KITLG: variants seen among roughly 807,000 people sequenced by gnomAD.
KITLG encodes KIT ligand, also known as c-Kit ligand.
KITLG carries 13 observed loss-of-function variants against 34.1 expected under a neutral mutation model. The ratio of observed to expected loss-of-function variants is 0.38; its 90% CI spans 0.25 to 0.61. The LOEUF (loss-of-function observed/expected upper bound fraction) is 0.61, where lower values mean the gene tolerates loss of function less well. Ranked by LOEUF, KITLG falls within the 20% of genes least tolerant of loss-of-function variation. The pLI is 0.60. For missense variants in KITLG, 292 were observed against 318.9 expected, an observed-to-expected ratio of 0.92 and a Z score of 0.64; for synonymous variants, 110 against 104.0, an observed-to-expected ratio of 1.06 and a Z score of -0.35.
At chr12:88,509,882 A>G (rs1869209502) in intron 6 of KITLG, among the ~76,000 whole-genome samples, 1 of 152,182 alleles carries the variant, frequency 6.6e-6, no homozygotes, top group Admixed American at 6.6e-5. Flanking sequence ...GTAGGAATCA[A>G]TGAGATTTGA....
chr12:88,533,304 A>G (rs1870173208), intron 2 of KITLG, among the ~76,000 whole-genome samples: 2 of 152,196 alleles, frequency 1.3e-5, no homozygotes, highest in South Asian at 4.1e-4. Flanking sequence ...TAAACTCTGT[A>G]TGTTGGTTCC....
Position 88,508,684 on chromosome 12 carries a change from C to T in KITLG, c.605-1547G>A, listed in dbSNP as rs538706782. 7.2e-5 allele frequency among the ~76,000 whole-genome samples: 11 copies of T among 152,036 alleles called. No homozygotes were observed. In the East Asian group the frequency reaches 1.2e-3, roughly 16 times the overall value. On this transcript the variant is annotated intron_variant, in intron 6 of 9. Coordinates refer to ENST00000644744, the MANE Select transcript of KITLG (RefSeq NM_000899.5). ...CTTCCATTCACATAACCATGAATAT[C>T]CTCCTTAGGATTCCTCCTCCTGGCC... is the stretch of plus-strand genomic sequence containing the variant.
chr12:88,507,858 G>C (rs1354842237), intron 6 of KITLG, among the ~76,000 whole-genome samples: 1 of 152,086 alleles, frequency 6.6e-6, no homozygotes, highest in African/African-American at 2.4e-5. Flanking sequence ...CACCTTTCTT[G>C]ATCCTGCCTG....
chr12:88,536,717 A>G (rs1160031803), intron 2 of KITLG, among the ~76,000 whole-genome samples: 1 of 152,184 alleles, frequency 6.6e-6, no homozygotes, highest in East Asian at 1.9e-4. Flanking sequence ...AATCATTCTC[A>G]GTAAACTAAC....
chr12:88,518,987 C>G, intron 3 of KITLG, 120 bp from the exon 4 acceptor site: 1 of 872,026 alleles, frequency 1.1e-6, no homozygotes, highest in Non-Finnish European at 1.8e-6. Flanking sequence ...CTCAGCCTCT[C>G]GAGTAGCTCA....
chr12:88,555,610 T>C (rs980387484), intron 1 of KITLG, among the ~76,000 whole-genome samples: 1 of 152,166 alleles, frequency 6.6e-6, no homozygotes, highest in African/African-American at 2.4e-5. Flanking sequence ...AAATTGAAAT[T>C]ACATGTCAAG....
At chr12:88,567,875 A>G (rs1420422448) in intron 1 of KITLG, among the ~76,000 whole-genome samples, 1 of 152,210 alleles carries the variant, frequency 6.6e-6, no homozygotes, top group Non-Finnish European at 1.5e-5. Context: ...CAAGTGACTC[A>G]AAGTCATACA....
intron 2 of KITLG, among the ~76,000 whole-genome samples, chr12:88,543,971 C>T (rs533515541): frequency 6.6e-6 from 1 of 152,156 alleles, no homozygotes; most frequent in East Asian, 1.9e-4. Flanking sequence ...TCAATAGCTT[C>T]TAGAATCTGA....
chr12:88,492,952 T>A lies in KITLG; in HGVS notation c.*4267A>T, dbSNP rs1237108846. On this transcript the variant is annotated 3_prime_UTR_variant, in exon 10 of 10. Transcript: ENST00000644744. ...ACACATCACATTTTACAACCTTTTT[T>A]ATTTAATTAAATTTCAGTCATAATA... The A allele has an allele frequency of 1.3e-5, 2 of 152,410 alleles. No homozygotes were observed. Among genetic ancestry groups the A allele is most frequent in the Non-Finnish European group, 2.9e-5 (2 of 67,894 alleles). The allele number at this position is 152,410 out of a possible 1,614,324, so 9.4% of individuals were successfully genotyped here. A position where few individuals can be genotyped will look rare whatever the true frequency, so the allele number is the denominator to read the frequency against.
chr12:88,529,886 C>G (rs961252490), intron 3 of KITLG, among the ~76,000 whole-genome samples: 2 of 152,182 alleles, frequency 1.3e-5, no homozygotes. Flanking sequence ...CCAAGAAGAA[C>G]AGTGTTTCTC....
At chr12:88,560,769 A>G (rs974143707) in intron 1 of KITLG, among the ~76,000 whole-genome samples, 1 of 152,068 alleles carries the variant, frequency 6.6e-6, no homozygotes, top group Non-Finnish European at 1.5e-5. Context: ...GGAGTTCGAG[A>G]CCAGCCTGGC....
intron 4 of KITLG, among the ~76,000 whole-genome samples, chr12:88,517,534 T>C (rs1214558309): frequency 6.6e-6 from 1 of 152,096 alleles, no homozygotes; most frequent in Non-Finnish European, 1.5e-5. Flanking sequence ...CTTCCCAACA[T>C]CACCATTGAC....
At chr12:88,559,369 C>A (rs1011447076) in intron 1 of KITLG, among the ~76,000 whole-genome samples, 1 of 152,152 alleles carries the variant, frequency 6.6e-6, no homozygotes, top group Non-Finnish European at 1.5e-5. Flanking sequence ...GCAGCAAGAC[C>A]CTCCAGTCAG....
chr12:88,534,750 T>A (rs1488436397), intron 2 of KITLG: 2 of 492,122 alleles, frequency 4.1e-6, no homozygotes, highest in African/African-American at 2.0e-5. Flanking sequence ...ACTCCCTTAT[T>A]CTTTACACTT....
chr12:88,510,640 T>G (rs1039689756), intron 6 of KITLG, among the ~76,000 whole-genome samples: 1 of 152,222 alleles, frequency 6.6e-6, no homozygotes, highest in Admixed American at 6.5e-5. Context: ...TTCTCTTTGC[T>G]TATCATAAAG....
intron 6 of KITLG, 142 bp downstream of exon 6, chr12:88,515,392 C>T (rs954358861): frequency 1.7e-6 from 1 of 592,068 alleles, no homozygotes; most frequent in African/African-American, 1.9e-5. Context: ...AAACTTAAGT[C>T]TCAAGAAGAC....
At position 88,495,969 on chromosome 12, in the gene KITLG, G is replaced by A. The variant is rs1868625730; in HGVS notation, c.*1250C>T. Reference sequence around the variant, plus strand: ...TTTAAAAGCACAATGTCCATCTTGGGAATTCCTGCCAAATTCACTCTTAAT... The same window carrying A: ...TTTAAAAGCACAATGTCCATCTTGGAAATTCCTGCCAAATTCACTCTTAAT... On this transcript the variant is annotated 3_prime_UTR_variant, in exon 10 of 10. Coordinates refer to ENST00000644744, the MANE Select transcript of KITLG (RefSeq NM_000899.5). 6.6e-6 allele frequency: 1 copy of A among 152,080 alleles called. No individual in the cohort carries two copies. The highest frequency in any genetic ancestry group is 2.4e-5 in the African/African-American group (1 of 41,420). The allele number at this position is 152,080 out of a possible 1,614,324, so 9.4% of individuals were successfully genotyped here. A position where few individuals can be genotyped will look rare whatever the true frequency, so the allele number is the denominator to read the frequency against.
chr12:88,548,840 G>C (rs1423824542), intron 1 of KITLG, among the ~76,000 whole-genome samples: 20 of 152,200 alleles, frequency 1.3e-4, no homozygotes, highest in Admixed American at 1.2e-3. Context: ...CTTGTTGAAA[G>C]AAGACTTATA....
intron 9 of KITLG, among the ~76,000 whole-genome samples, chr12:88,501,222 A>G (rs1278120256): frequency 1.3e-5 from 2 of 152,260 alleles, no homozygotes; most frequent in African/African-American, 2.4e-5. Context: ...GAACTAGCCC[A>G]TATGTTCTCT....
Sources: gnomAD v4.1 joint callset for allele counts (sites outside exome capture counted in the v4.1 genomes callset) on GRCh38, gnomAD v4.1.1 for gene constraint, MANE v1.5 for transcripts, NCBI Gene and HGNC (gene_info 2026-07-23, HGNC 2026-07-21) for gene names.